The following PTPRN2 variants were observed in gnomAD, a reference collection of about 807,000 sequenced individuals.
PTPRN2 encodes the protein receptor-type tyrosine-protein phosphatase N2.
A neutral mutation model predicts 118.8 loss-of-function variants in PTPRN2; 74 were observed. The observed-to-expected ratio is 0.62, with a 90% CI of 0.52 to 0.76. The LOEUF (loss-of-function observed/expected upper bound fraction) is 0.76. Among genes scored for constraint, PTPRN2 ranks in the 30% least tolerant of loss-of-function variants. The probability of loss-of-function intolerance (pLI) is 0.00; values close to 1 mark genes in which losing one functional copy is unlikely to be tolerated. For synonymous variants in PTPRN2, 641 were observed against 608.0 expected, an observed-to-expected ratio of 1.05 and a Z score of -0.80; for missense variants, 1,481 against 1,394.4, an observed-to-expected ratio of 1.06 and a Z score of -0.99.
intron 2 of PTPRN2, among the ~76,000 whole-genome samples, chr7:158,467,099 A>C (rs932768181): frequency 6.6e-6 from 1 of 152,172 alleles, no homozygotes; most frequent in African/African-American, 2.4e-5. Context: ...TTTTGATAAA[A>C]GCCATTCTCA....
At chr7:157,946,372 G>A (rs1800488987) in intron 11 of PTPRN2, among the ~76,000 whole-genome samples, 1 of 152,172 alleles carries the variant, frequency 6.6e-6, no homozygotes, top group Non-Finnish European at 1.5e-5. Context: ...TACTGTTTAT[G>A]CACTGAATGA....
intron 12 of PTPRN2, chr7:157,862,747 C>CT (rs1810334105): frequency 6.6e-6 from 1 of 152,274 alleles, no homozygotes. Flanking sequence ...CCTGCAACGC[C>CT]TTTAGAGGCA....
chr7:158,472,513 A>G (rs1458013894), intron 2 of PTPRN2, among the ~76,000 whole-genome samples: 3 of 152,174 alleles, frequency 2.0e-5, no homozygotes, highest in Admixed American at 2.0e-4. Flanking sequence ...TTTCAGTCAC[A>G]AGAGCAGGTG....
At chr7:158,146,856 A>C (rs1237188592) in intron 6 of PTPRN2, among the ~76,000 whole-genome samples, 2 of 152,030 alleles carry the variant, frequency 1.3e-5, no homozygotes, top group Non-Finnish European at 2.9e-5. Context: ...TGACCAATGG[A>C]TAGAACAAGC....
intron 12 of PTPRN2, among the ~76,000 whole-genome samples, chr7:157,793,200 T>G (rs969191114): frequency 5.4e-4 from 82 of 152,196 alleles, no homozygotes; most frequent in African/African-American, 1.9e-3. Flanking sequence ...GAGAGTCCCC[T>G]GCTGTTCCCT....
intron 12 of PTPRN2, among the ~76,000 whole-genome samples, chr7:157,811,688 T>A (rs1806053256): frequency 6.6e-6 from 1 of 152,118 alleles, no homozygotes; most frequent in Non-Finnish European, 1.5e-5. Context: ...TATGGGAGAC[T>A]GATGCTCCCC....
intron 9 of PTPRN2, among the ~76,000 whole-genome samples, chr7:158,122,232 T>C (rs1274929375): frequency 6.6e-6 from 1 of 152,190 alleles, no homozygotes; most frequent in Non-Finnish European, 1.5e-5. Flanking sequence ...CTCCTCTCTC[T>C]AGAGTCTTTC....
At chr7:158,016,252 C>T (rs1211718323) in intron 11 of PTPRN2, among the ~76,000 whole-genome samples, 1 of 152,202 alleles carries the variant, frequency 6.6e-6, no homozygotes, top group African/African-American at 2.4e-5. Context: ...CCCACGGACA[C>T]GGGCAGAGTG....
At chr7:158,020,847 CCTT>C (rs1254122310) in intron 11 of PTPRN2, among the ~76,000 whole-genome samples, 2 of 152,148 alleles carry the variant, frequency 1.3e-5, no homozygotes, top group African/African-American at 4.8e-5. Flanking sequence ...ACTGCAATAA[CCTT>C]CTTCTTCCAA....
At chr7:158,174,639 C>T (rs775725914) in intron 5 of PTPRN2, among the ~76,000 whole-genome samples, 5 of 152,164 alleles carry the variant, frequency 3.3e-5, no homozygotes, top group Non-Finnish European at 7.3e-5. Context: ...CAGATGTGGC[C>T]CTGTCCTCAA....
intron 22 of PTPRN2, 144 bp downstream of exon 22, chr7:157,548,802 G>A (rs1406914101): frequency 1.2e-6 from 1 of 809,740 alleles, no homozygotes; most frequent in African/African-American, 1.7e-5. Flanking sequence ...CCCATGCAAG[G>A]CCGGCATGGA....
chr7:158,055,883 T>A, intron 11 of PTPRN2, among the ~76,000 whole-genome samples: 1 of 152,272 alleles, frequency 6.6e-6, no homozygotes, highest in South Asian at 2.1e-4. Context: ...TCTTTTTGTC[T>A]TGTGTCTTTA....
At chr7:158,498,768 C>T (rs977878934) in intron 1 of PTPRN2, among the ~76,000 whole-genome samples, 3 of 152,148 alleles carry the variant, frequency 2.0e-5, no homozygotes, top group Non-Finnish European at 1.5e-5. Context: ...CAGGCTATGC[C>T]GGGGATGAAA....
chr7:157,775,401 G>T (rs1017960609), intron 12 of PTPRN2, among the ~76,000 whole-genome samples: 3 of 152,362 alleles, frequency 2.0e-5, no homozygotes, highest in Non-Finnish European at 4.4e-5. Context: ...CGGGGACAGT[G>T]AAGGTGCAAC....
intron 12 of PTPRN2, among the ~76,000 whole-genome samples, chr7:157,762,361 T>TAGAC (rs1482539126): frequency 6.6e-6 from 1 of 151,970 alleles, no homozygotes; most frequent in Non-Finnish European, 1.5e-5. Flanking sequence ...CCAACAATAA[T>TAGAC]AGACTGGATT....
At chr7:158,377,110 G>GC (rs1291988547) in intron 2 of PTPRN2, among the ~76,000 whole-genome samples, 6 of 11,066 alleles carry the variant, frequency 5.4e-4, no homozygotes, top group African/African-American at 2.8e-3. Flanking sequence ...GTCCTGAGAG[G>GC]GGGGTCAGGG....
chr7:157,582,911 A>G (rs1019865291), intron 17 of PTPRN2, among the ~76,000 whole-genome samples: 7 of 151,864 alleles, frequency 4.6e-5, no homozygotes, highest in African/African-American at 1.7e-4. Context: ...CAATAAAACC[A>G]GTATGGAGAG....
In PTPRN2 at chr7:158,146,469, C is replaced by T. The variant is rs140004597; in HGVS notation, c.911-7954G>A. Reference sequence around the variant, plus strand: ...GGGCTTGGTGGCTCACACCTGTAATCCCAGCACTTTGGGACGCTGAGGCAT... The same window carrying T: ...GGGCTTGGTGGCTCACACCTGTAATTCCAGCACTTTGGGACGCTGAGGCAT... On this transcript the variant is annotated intron_variant, in intron 6 of 22. Transcript: ENST00000389418. 9.3e-3 allele frequency among the ~76,000 whole-genome samples: 1,416 copies of T among 152,148 alleles called. 29 individuals are homozygous for T. The highest frequency in any genetic ancestry group is 0.032 in the African/African-American group (1,313 of 41,512).
intron 12 of PTPRN2, among the ~76,000 whole-genome samples, chr7:157,730,793 C>T (rs1799851650): frequency 6.6e-6 from 1 of 152,190 alleles, no homozygotes; most frequent in Admixed American, 6.5e-5. Flanking sequence ...GGGGCTGCTC[C>T]CCGCCTGGGC....
Sources: allele counts gnomAD v4.1 joint callset (sites outside exome capture counted in the v4.1 genomes callset), GRCh38; gene constraint gnomAD v4.1.1; transcripts MANE v1.5; gene names NCBI Gene and HGNC (gene_info 2026-07-23, HGNC 2026-07-21).